ZDHHC14: variants seen among roughly 807,000 people sequenced by gnomAD.
The protein encoded by ZDHHC14 is palmitoyltransferase ZDHHC14.
A neutral mutation model predicts 47.7 loss-of-function variants in ZDHHC14; 16 were observed. That is an observed-to-expected ratio of 0.34 (90% CI 0.23 to 0.51). The LOEUF (loss-of-function observed/expected upper bound fraction) is 0.51. ZDHHC14 is among the 20% of genes least tolerant of loss of function. The probability of loss-of-function intolerance (pLI) is 0.97; values close to 1 mark genes in which losing one functional copy is unlikely to be tolerated. For synonymous variants in ZDHHC14, 293 were observed against 278.9 expected (o/e 1.05, Z -0.50); for missense variants, 515 against 662.5 (o/e 0.78, Z 2.44).
chr6:157,547,283 C>T (rs763138948), intron 2 of ZDHHC14, among the ~76,000 whole-genome samples: 140 of 152,296 alleles, frequency 9.2e-4, no homozygotes, highest in Admixed American at 1.7e-3. Context: ...TCTTGTAGTA[C>T]GCAGAACCAA....
intron 1 of ZDHHC14, among the ~76,000 whole-genome samples, chr6:157,487,538 T>C (rs2114723650): frequency 6.6e-6 from 1 of 152,270 alleles, no homozygotes; most frequent in African/African-American, 2.4e-5. Flanking sequence ...CCCTCTTAAG[T>C]AGAAATGATT....
At chr6:157,471,678 A>G (rs1388616041) in intron 1 of ZDHHC14, among the ~76,000 whole-genome samples, 2 of 152,240 alleles carry the variant, frequency 1.3e-5, no homozygotes, top group African/African-American at 4.8e-5. Context: ...TAAAACATCC[A>G]GGGAGAGAAG....
chr6:157,553,193 GGGT>G (rs1326644531), intron 2 of ZDHHC14, among the ~76,000 whole-genome samples: 5 of 152,208 alleles, frequency 3.3e-5, no homozygotes, highest in African/African-American at 1.2e-4. Flanking sequence ...AGGCAGGCCA[GGGT>G]GGTCAGAGAT....
intron 1 of ZDHHC14, among the ~76,000 whole-genome samples, chr6:157,517,026 A>C (rs1420332133): frequency 6.6e-6 from 1 of 152,170 alleles, no homozygotes; most frequent in East Asian, 1.9e-4. Context: ...TGAGTGGAGC[A>C]TAAAGGGGCT....
At chr6:157,544,690 T>G (rs1355139488) in intron 2 of ZDHHC14, among the ~76,000 whole-genome samples, 2 of 151,644 alleles carry the variant, frequency 1.3e-5, no homozygotes, top group Non-Finnish European at 2.9e-5. Flanking sequence ...AATAGAATAG[T>G]GAGATGCCAC....
chr6:157,387,343 C>T (rs918584825), intron 1 of ZDHHC14, among the ~76,000 whole-genome samples: 3 of 152,132 alleles, frequency 2.0e-5, no homozygotes, highest in African/African-American at 4.8e-5. Context: ...CCAAGAACGA[C>T]GTCTCTGTTA....
intron 3 of ZDHHC14, among the ~76,000 whole-genome samples, chr6:157,619,751 A>T (rs1033760130): frequency 1.5e-4 from 23 of 152,180 alleles, no homozygotes; most frequent in African/African-American, 5.3e-4. Flanking sequence ...AATGCTGCAG[A>T]ATGTTAATTT....
chr6:157,459,148 G>T (rs1296843954), intron 1 of ZDHHC14, among the ~76,000 whole-genome samples: 1 of 152,076 alleles, frequency 6.6e-6, no homozygotes, highest in Non-Finnish European at 1.5e-5. Context: ...GAGTAGTGTT[G>T]ATCTGTATTA....
intron 1 of ZDHHC14, among the ~76,000 whole-genome samples, chr6:157,442,674 G>A (rs1406811395): frequency 2.0e-5 from 3 of 152,180 alleles, no homozygotes; most frequent in Non-Finnish European, 2.9e-5. Flanking sequence ...TGGAGGGCAC[G>A]AGGTTACGTG....
intron 2 of ZDHHC14, among the ~76,000 whole-genome samples, chr6:157,543,699 G>A (rs1562471895): frequency 6.6e-6 from 1 of 152,194 alleles, no homozygotes; most frequent in Non-Finnish European, 1.5e-5. Flanking sequence ...CTCGACATCT[G>A]CCTTCATCCT....
At chr6:157,548,966 C>G (rs775937771) in intron 2 of ZDHHC14, among the ~76,000 whole-genome samples, 1 of 152,196 alleles carries the variant, frequency 6.6e-6, no homozygotes, top group African/African-American at 2.4e-5. Context: ...GATGTGGCCG[C>G]GGCATTTGCC....
At chr6:157,453,788 T>TTTTTTTTGTGTGTG (rs3220439) in intron 1 of ZDHHC14, among the ~76,000 whole-genome samples, 1 of 148,098 alleles carries the variant, frequency 6.8e-6, no homozygotes, top group African/African-American at 2.5e-5. Context: ...TTTTTGTGTT[T>TTTTTTTTGTGTGTG]TGTGTGTGTG....
chr6:157,456,714 C>T (rs974707208), intron 1 of ZDHHC14, among the ~76,000 whole-genome samples: 1 of 152,058 alleles, frequency 6.6e-6, no homozygotes, highest in Non-Finnish European at 1.5e-5. Flanking sequence ...TGGAAATTTA[C>T]CAAGGGAGGA....
At chr6:157,615,298 G>T (rs1019515255) in intron 3 of ZDHHC14, among the ~76,000 whole-genome samples, 1 of 152,194 alleles carries the variant, frequency 6.6e-6, no homozygotes, top group Admixed American at 6.5e-5. Flanking sequence ...AGCTCCAGAC[G>T]TCTGTGCGGA....
intron 2 of ZDHHC14, among the ~76,000 whole-genome samples, chr6:157,544,322 C>T (rs868220397): frequency 6.6e-6 from 1 of 152,312 alleles, no homozygotes. Flanking sequence ...GCAAAATCAG[C>T]ACGATTAGGA....
At chr6:157,429,227 T>C (rs984232367) in intron 1 of ZDHHC14, among the ~76,000 whole-genome samples, 1 of 152,160 alleles carries the variant, frequency 6.6e-6, no homozygotes, top group African/African-American at 2.4e-5. Context: ...TGTAATCCAT[T>C]ACTAGGTCAT....
chr6:157,478,257 A>G (rs917418529), intron 1 of ZDHHC14, among the ~76,000 whole-genome samples: 1 of 152,198 alleles, frequency 6.6e-6, no homozygotes, highest in African/African-American at 2.4e-5. Context: ...TAGAGTTTTT[A>G]TTATGTATTA....
In ZDHHC14 at chr6:157,431,732, A is replaced by ATT. The variant is rs34330435; in HGVS notation, c.245+49480_245+49481dup. On this transcript the variant is annotated intron_variant, in intron 1 of 8. Transcript: ENST00000359775. ...TTTTTATTTTTTAAATTTTAATATA[A>ATT]TTTTTTTTTTTTTTTGAGACGGAGT... 6.9e-3 allele frequency among the ~76,000 whole-genome samples: 979 copies of ATT among 142,622 alleles called. 16 individuals are homozygous for ATT. Among genetic ancestry groups the ATT allele is most frequent in the African/African-American group, 0.023 (906 of 38,604 alleles). 93.6% of individuals were successfully genotyped at this position (142,622 alleles called of 152,430 possible). A position where few individuals can be genotyped will look rare whatever the true frequency, so the allele number is the denominator to read the frequency against.
chr6:157,568,600 T>C (rs1240588846), intron 2 of ZDHHC14, among the ~76,000 whole-genome samples: 2 of 152,190 alleles, frequency 1.3e-5, no homozygotes, highest in African/African-American at 4.8e-5. Context: ...TTAAAAACAA[T>C]GTTGCACTCA....
Sources: gnomAD v4.1 joint callset for allele counts (sites outside exome capture counted in the v4.1 genomes callset) on GRCh38, gnomAD v4.1.1 for gene constraint, MANE v1.5 for transcripts, NCBI Gene and HGNC (gene_info 2026-07-23, HGNC 2026-07-21) for gene names.